Variants in CNTLN observed in about 807,000 individuals in gnomAD.
The protein encoded by CNTLN is centlein, centrosomal protein.
A neutral mutation model predicts 180.0 loss-of-function variants in CNTLN; 212 were observed. The observed-to-expected ratio is 1.18, with a 90% CI of 1.05 to 1.32. The LOEUF (loss-of-function observed/expected upper bound fraction) is 1.32. Ranked by LOEUF, CNTLN falls within the 40% of genes most tolerant of loss-of-function variation. The pLI is 0.00. For synonymous variants in CNTLN, 722 were observed against 563.1 expected (o/e 1.28, Z -3.99); for missense variants, 2,095 against 1,610.9 (o/e 1.30, Z -5.14).
intron 25 of CNTLN, chr9:17,495,025 C>T (rs764804052): frequency 2.9e-5 from 12 of 410,100 alleles, no homozygotes; most frequent in South Asian, 2.1e-4. Context: ...ACTACAGGTG[C>T]GTGCCACCAT....
At chr9:17,310,907 C>T (rs1819086821) in intron 8 of CNTLN, among the ~76,000 whole-genome samples, 2 of 152,040 alleles carry the variant, frequency 1.3e-5, no homozygotes. Context: ...TTTTCAAAAG[C>T]TCTTTATATA....
At position 17,290,101 on chromosome 9, in the gene CNTLN, C is replaced by T. The variant is rs370712366; in HGVS notation, c.984-8089C>T. Among the ~76,000 whole-genome samples the T allele has an allele frequency of 1.9e-4, 29 of 152,266 alleles. No homozygotes were observed. The East Asian group carries it at 1.9e-3, about 10-fold the overall frequency. On this transcript the variant is annotated intron_variant, in intron 6 of 25. Coordinates refer to ENST00000380647, the MANE Select transcript of CNTLN (RefSeq NM_017738.4). The stretch of plus-strand genomic sequence containing the variant: ...AGAGGCGCTCTGCATTTAAGAGTGT[C>T]TAGTTTTTCTGTTCTGTTTTTTCCC...
intron 13 of CNTLN, among the ~76,000 whole-genome samples, chr9:17,379,851 A>G (rs4554574): frequency 0.88 from 134,071 of 152,160 alleles, 59,368 homozygotes; most frequent in Non-Finnish European, 0.92. Context: ...CCTCAAATGA[A>G]TTCAGTCTCC....
At chr9:17,265,516 G>A (rs1389009676) in intron 5 of CNTLN, among the ~76,000 whole-genome samples, 1 of 151,876 alleles carries the variant, frequency 6.6e-6, no homozygotes, top group African/African-American at 2.4e-5. Flanking sequence ...TTTTTGTTGT[G>A]TCTCTGCCAG....
At chr9:17,261,766 C>T (rs147641565) in intron 5 of CNTLN, among the ~76,000 whole-genome samples, 7 of 151,326 alleles carry the variant, frequency 4.6e-5, no homozygotes, top group African/African-American at 1.2e-4. Flanking sequence ...TTCTGCACAG[C>T]AGAAGAAACT....
the CNTLN span, among the ~76,000 whole-genome samples, chr9:17,521,666 G>A: frequency 1.3e-5 from 2 of 152,036 alleles, no homozygotes; most frequent in Non-Finnish European, 2.9e-5. Context: ...ATCACCAGGT[G>A]GCAATTCACA....
At chr9:17,158,247 T>C (rs9407787) in intron 2 of CNTLN, among the ~76,000 whole-genome samples, 28,610 of 152,052 alleles carry the variant, frequency 0.19, 2,801 homozygotes, top group South Asian at 0.29. Context: ...TAGGATAAAT[T>C]CTTGGTCATG....
chr9:17,258,059 A>G (rs1424177932), intron 5 of CNTLN, among the ~76,000 whole-genome samples: 6 of 150,748 alleles, frequency 4.0e-5, no homozygotes, highest in Admixed American at 6.6e-5. Flanking sequence ...GCCCATGCCT[A>G]TGTCCTGAAT....
At chr9:17,414,918 C>T (rs1828111547) in intron 16 of CNTLN, among the ~76,000 whole-genome samples, 1 of 152,002 alleles carries the variant, frequency 6.6e-6, no homozygotes, top group Admixed American at 6.6e-5. Context: ...GGTGAAACCC[C>T]ATCTCTACCA....
chr9:17,493,145 T>C (rs911139841), intron 25 of CNTLN, among the ~76,000 whole-genome samples: 1 of 152,062 alleles, frequency 6.6e-6, no homozygotes, highest in Non-Finnish European at 1.5e-5. Flanking sequence ...ATCCTAGAGA[T>C]AGAGGTGGTG....
chr9:17,514,721 C>A, the CNTLN span, among the ~76,000 whole-genome samples: 1 of 152,170 alleles, frequency 6.6e-6, no homozygotes, highest in African/African-American at 2.4e-5. Context: ...TGACTGTCAG[C>A]CAAGCCATAG....
chr9:17,135,971 T>C (rs1025003915), intron 1 of CNTLN, among the ~76,000 whole-genome samples: 1 of 152,014 alleles, frequency 6.6e-6, no homozygotes. Context: ...TAGATGATGC[T>C]TGGTACTTGT....
Position 17,353,955 on chromosome 9 carries a change from C to G in CNTLN, c.1886+11511C>G, listed in dbSNP as rs555955907. Among the ~76,000 whole-genome samples the G allele has an allele frequency of 5.8e-3, 875 of 151,398 alleles. 5 individuals are homozygous for G. Among genetic ancestry groups the G allele is most frequent in the African/African-American group, 0.021 (841 of 40,714 alleles). On this transcript the variant is annotated intron_variant, in intron 12 of 25. Coordinates refer to ENST00000380647, the MANE Select transcript of CNTLN (RefSeq NM_017738.4). The stretch of plus-strand genomic sequence containing the variant: ...GTGGAGGGAGAGGCGTGAGCGGGAA[C>G]CCGGGCTGTGTGCGGTGCTTGTTGG...
At chr9:17,374,115 G>A in intron 13 of CNTLN, among the ~76,000 whole-genome samples, 1 of 152,176 alleles carries the variant, frequency 6.6e-6, no homozygotes, top group Non-Finnish European at 1.5e-5. Context: ...ATGGACACAT[G>A]GGATTACATG....
chr9:17,243,457 A>C (rs1825616030), intron 5 of CNTLN, among the ~76,000 whole-genome samples: 2 of 152,202 alleles, frequency 1.3e-5, no homozygotes, highest in South Asian at 4.1e-4. Flanking sequence ...TACAGCATAA[A>C]ATTTGCTTTT....
In CNTLN at chr9:17,342,359, C is replaced by T; in HGVS notation, c.1801C>T (p.Gln601Ter). ...EIRKIKRADP[Q>*]QLRQEDSDAV... ...CAGGAAAATAAAGAGAGCAGATCCC[C>T]AACAACTTCGACAAGAAGATTCTGA... The change falls in exon 12 of 26, where the codon CAA (glutamine) becomes TAA (stop). Residue 601 changes from glutamine (Q) to a stop codon, truncating the protein, a stop_gained. Coordinates refer to ENST00000380647, the MANE Select transcript of CNTLN (RefSeq NM_017738.4). LOFTEE classifies it high-confidence loss of function. The T allele has an allele frequency of 6.2e-7, 1 of 1,612,108 alleles. No homozygotes were observed.
intron 2 of CNTLN, among the ~76,000 whole-genome samples, chr9:17,189,154 C>T (rs1453905228): frequency 7.4e-6 from 1 of 134,822 alleles, no homozygotes; most frequent in Non-Finnish European, 1.5e-5. Context: ...GTGATCTCGG[C>T]TCACTGCAAG....
At chr9:17,311,399 G>A (rs908959560) in intron 8 of CNTLN, among the ~76,000 whole-genome samples, 1 of 148,684 alleles carries the variant, frequency 6.7e-6, no homozygotes, top group Non-Finnish European at 1.5e-5. Flanking sequence ...AAATCTTTCT[G>A]TTCCCCCAAA....
At position 17,330,725 on chromosome 9, in the gene CNTLN, A is replaced by T; in HGVS notation, c.1435A>T (p.Asn479Tyr). ...TTTACAGGAGAAACTAAAGATAGCA[A>T]ATGAAAAACTGTCAGAAAACATATC... ...EYLQEKLKIA[N>Y]EKLSENISAN... The change falls in exon 9 of 26, where the codon AAT (asparagine) becomes TAT (tyrosine). Residue 479 changes from asparagine (N) to tyrosine (Y), a missense_variant. By Grantham distance (143) the Asn-to-Tyr change is moderately radical (BLOSUM62 -2). Coordinates refer to ENST00000380647, the MANE Select transcript of CNTLN (RefSeq NM_017738.4). 6.2e-7 allele frequency: 1 copy of T among 1,612,458 alleles called. No individual in the cohort carries two copies. Among genetic ancestry groups the T allele is most frequent in the Non-Finnish European group, 8.5e-7 (1 of 1,178,916 alleles).
Sources: gnomAD v4.1 joint callset for allele counts (sites outside exome capture counted in the v4.1 genomes callset) on GRCh38, gnomAD v4.1.1 for gene constraint, MANE v1.5 for transcripts, NCBI Gene and HGNC (gene_info 2026-07-23, HGNC 2026-07-21) for gene names.